DCAF8L2: variants seen among roughly 807,000 people sequenced by gnomAD.
The protein encoded by DCAF8L2 is DDB1- and CUL4-associated factor 8-like protein 2.
For synonymous variants in DCAF8L2, 200 were observed against 190.9 expected, an observed-to-expected ratio of 1.05 and a Z score of -0.39; for missense variants, 430 against 490.7, an observed-to-expected ratio of 0.88 and a Z score of 1.17.
intron 2 of DCAF8L2, among the ~76,000 whole-genome samples, chrX:27,655,893 G>A (rs1929332749): frequency 9.0e-6 from 1 of 111,209 alleles, no homozygotes; most frequent in Non-Finnish European, 1.9e-5. Flanking sequence ...AAATAGTTAA[G>A]TACCTCTGCC....
the DCAF8L2 span, among the ~76,000 whole-genome samples, chrX:27,492,655 AT>A: frequency 0.44 from 47,246 of 108,249 alleles, 8,872 homozygotes; most frequent in South Asian, 0.68. Context: ...AATTTTTTCT[AT>A]TTTTAGTAGA....
chrX:27,469,130 G>C, the DCAF8L2 span, among the ~76,000 whole-genome samples: 1 of 111,909 alleles, frequency 8.9e-6, no homozygotes, highest in East Asian at 2.8e-4. Context: ...GAATTAAGCA[G>C]AGGAAAGAAA....
chrX:27,619,906 AT>A (rs1927675340), intron 1 of DCAF8L2, among the ~76,000 whole-genome samples: 1 of 112,010 alleles, frequency 8.9e-6, no homozygotes, highest in African/African-American at 3.2e-5. Flanking sequence ...ACATGCTACA[AT>A]TAAAGGATTA....
chrX:27,723,941 G>GT (rs1931986767), intron 4 of DCAF8L2, among the ~76,000 whole-genome samples: 1 of 106,526 alleles, frequency 9.4e-6, no homozygotes, highest in Admixed American at 1.0e-4. Flanking sequence ...ACATTTTAGA[G>GT]TAAAAAAAAC....
the DCAF8L2 span, among the ~76,000 whole-genome samples, chrX:27,490,982 A>T: frequency 2.7e-5 from 3 of 111,894 alleles, no homozygotes; most frequent in African/African-American, 9.8e-5. Flanking sequence ...AGAGCTATGA[A>T]AATAATCTTC....
At chrX:27,591,535 C>A (rs937623950) in intron 1 of DCAF8L2, among the ~76,000 whole-genome samples, 4 of 111,711 alleles carry the variant, frequency 3.6e-5, no homozygotes, top group African/African-American at 1.3e-4. Context: ...CTCTCCTTTT[C>A]ATCTTGTTAG....
At chrX:27,563,564 C>A in the DCAF8L2 span, among the ~76,000 whole-genome samples, 2 of 112,057 alleles carry the variant, frequency 1.8e-5, no homozygotes, top group African/African-American at 6.5e-5. Flanking sequence ...TTTTTCATGT[C>A]TTGGGCATTC....
the DCAF8L2 span, among the ~76,000 whole-genome samples, chrX:27,527,510 C>T: frequency 1.8e-5 from 2 of 111,199 alleles, no homozygotes; most frequent in African/African-American, 6.5e-5. Flanking sequence ...GGCTCACGCT[C>T]GGTGGGCTGC....
At chrX:27,607,181 A>G (rs1298799104) in intron 1 of DCAF8L2, among the ~76,000 whole-genome samples, 3 of 111,840 alleles carry the variant, frequency 2.7e-5, no homozygotes, top group Admixed American at 9.6e-5. Context: ...ACAAAATACT[A>G]TTTTGCTTAC....
chrX:27,491,281 A>G, the DCAF8L2 span, among the ~76,000 whole-genome samples: 2 of 112,120 alleles, frequency 1.8e-5, no homozygotes, highest in Non-Finnish European at 1.9e-5. Context: ...TTTTGAATTA[A>G]TATTTTGTCA....
intron 4 of DCAF8L2, among the ~76,000 whole-genome samples, chrX:27,733,446 A>G (rs1213704937): frequency 8.9e-6 from 1 of 112,072 alleles, no homozygotes; most frequent in African/African-American, 3.2e-5. Flanking sequence ...TTTATCAAAT[A>G]TATGGTTTGC....
chrX:27,646,455 A>C (rs971760422), intron 2 of DCAF8L2, among the ~76,000 whole-genome samples: 1 of 112,058 alleles, frequency 8.9e-6, no homozygotes, highest in African/African-American at 3.2e-5. Context: ...CAAAATTATA[A>C]AAACCCTAGA....
At chrX:27,653,245 A>G (rs1929216288) in intron 2 of DCAF8L2, among the ~76,000 whole-genome samples, 1 of 111,486 alleles carries the variant, frequency 9.0e-6, no homozygotes, top group Non-Finnish European at 1.9e-5. Context: ...GATACAAACC[A>G]CTACTCTTTT....
At chrX:27,500,559 AAG>A in the DCAF8L2 span, among the ~76,000 whole-genome samples, 4 of 112,054 alleles carry the variant, frequency 3.6e-5, no homozygotes. Context: ...ATTTCAAAAA[AAG>A]AGCAAAATTC....
chrX:27,478,981 T>C, the DCAF8L2 span, among the ~76,000 whole-genome samples: 3 of 111,647 alleles, frequency 2.7e-5, no homozygotes, highest in Non-Finnish European at 3.8e-5. Flanking sequence ...CTTAACCTAG[T>C]GATTAAAGAA....
intron 4 of DCAF8L2, among the ~76,000 whole-genome samples, chrX:27,733,996 A>T (rs992716945): frequency 1.0e-4 from 11 of 109,301 alleles, no homozygotes; most frequent in South Asian, 3.7e-4. Flanking sequence ...TTTTTTTGAT[A>T]AAAAAAATCC....
the DCAF8L2 span, among the ~76,000 whole-genome samples, chrX:27,560,904 T>C: frequency 5.3e-5 from 6 of 112,337 alleles, no homozygotes; most frequent in African/African-American, 1.6e-4. Flanking sequence ...CATGAAGTGT[T>C]TGCCAAATCT....
At chrX:27,719,157 A>G (rs1931802428) in intron 4 of DCAF8L2, among the ~76,000 whole-genome samples, 1 of 111,116 alleles carries the variant, frequency 9.0e-6, no homozygotes, top group Non-Finnish European at 1.9e-5. Flanking sequence ...TGGCTGCAAC[A>G]TTTTGCATCC....
In DCAF8L2 at chrX:27,675,365, A is replaced by C. The variant is rs183958475; in HGVS notation, c.-219-2471A>C. On this transcript the variant is annotated intron_variant, in intron 2 of 4. Coordinates refer to ENST00000451261, the MANE Select transcript of DCAF8L2 (RefSeq NM_001353450.2). ...AAATAGTTAAAAGAAGCATTCAAGC[A>C]AAGCTATTTGAGGGATTTTGCTAAA... is the stretch of plus-strand genomic sequence containing the variant. Among the ~76,000 whole-genome samples, 367 of 111,884 alleles carry C rather than the reference A, an allele frequency of 3.3e-3. 3 individuals are homozygous for C. Among genetic ancestry groups the C allele is most frequent in the African/African-American group, 0.011 (350 of 30,848 alleles).
Sources: gnomAD v4.1 joint callset for allele counts (sites outside exome capture counted in the v4.1 genomes callset) on GRCh38, gnomAD v4.1.1 for gene constraint, MANE v1.5 for transcripts, NCBI Gene and HGNC (gene_info 2026-07-23, HGNC 2026-07-21) for gene names.